The following SPOCK3 variants were observed in gnomAD, a reference collection of about 807,000 sequenced individuals.
SPOCK3 encodes the protein testican-3.
A neutral mutation model predicts 56.6 loss-of-function variants in SPOCK3; 30 were observed. The observed-to-expected ratio is 0.53, with a 90% CI of 0.40 to 0.72. The LOEUF (loss-of-function observed/expected upper bound fraction) is 0.72. Among genes scored for constraint, SPOCK3 ranks in the 30% least tolerant of loss-of-function variants. SPOCK3 has a pLI of 0.00. For synonymous variants in SPOCK3, 196 were observed against 183.3 expected, an observed-to-expected ratio of 1.07 and a Z score of -0.56; for missense variants, 527 against 530.0, an observed-to-expected ratio of 0.99 and a Z score of 0.06.
intron 6 of SPOCK3, among the ~76,000 whole-genome samples, chr4:166,830,300 AT>A (rs2126791221): frequency 6.6e-6 from 1 of 152,286 alleles, no homozygotes; most frequent in Admixed American, 6.5e-5. Flanking sequence ...TTCAGAAATG[AT>A]TTTTAGGACT....
chr4:166,819,087 A>T (rs576079387), intron 6 of SPOCK3, among the ~76,000 whole-genome samples: 1 of 152,180 alleles, frequency 6.6e-6, no homozygotes, highest in African/African-American at 2.4e-5. Flanking sequence ...CATTATTTTT[A>T]AATTGCACAT....
At chr4:167,205,278 TTATA>T (rs1305997734) in intron 2 of SPOCK3, among the ~76,000 whole-genome samples, 40 of 66,742 alleles carry the variant, frequency 6.0e-4, no homozygotes, top group South Asian at 3.0e-3. Flanking sequence ...ATAATATATA[TTATA>T]TATATTTTAT....
At position 167,188,858 on chromosome 4, in the gene SPOCK3, A is replaced by C. The variant is rs1344410882; in HGVS notation, c.189+45127T>G. On this transcript the variant is annotated intron_variant, in intron 2 of 10. Coordinates refer to ENST00000357545, the MANE Select transcript of SPOCK3 (RefSeq NM_001040159.2). Reference sequence around the variant, plus strand: ...ATGCAACAGTTTAAATGAAATTGACAAAATGATTAAAAGATGCCAACTTCC... The same window carrying C: ...ATGCAACAGTTTAAATGAAATTGACCAAATGATTAAAAGATGCCAACTTCC... 2.0e-5 allele frequency among the ~76,000 whole-genome samples: 3 copies of C among 146,544 alleles called. 1 individual carries two copies. In the East Asian group the frequency reaches 6.2e-4, roughly 30 times the overall value.
At chr4:166,838,978 G>T (rs1370357063) in intron 6 of SPOCK3, among the ~76,000 whole-genome samples, 5 of 151,224 alleles carry the variant, frequency 3.3e-5, no homozygotes, top group South Asian at 2.1e-4. Flanking sequence ...AAAAATCTTT[G>T]TCATATAGTT....
chr4:167,130,011 G>C (rs759928319), intron 2 of SPOCK3, among the ~76,000 whole-genome samples: 8 of 152,020 alleles, frequency 5.3e-5, no homozygotes, highest in African/African-American at 7.2e-5. Context: ...CCAAAAATAA[G>C]GTTAATTAAA....
intron 5 of SPOCK3, among the ~76,000 whole-genome samples, chr4:166,906,758 T>C (rs914972457): frequency 6.6e-6 from 1 of 151,986 alleles, no homozygotes; most frequent in Non-Finnish European, 1.5e-5. Context: ...TTTTTAATTT[T>C]TTTTAGTGAT....
At chr4:167,158,797 T>TA (rs1486968029) in intron 2 of SPOCK3, among the ~76,000 whole-genome samples, 2 of 151,396 alleles carry the variant, frequency 1.3e-5, no homozygotes, top group Non-Finnish European at 2.9e-5. Flanking sequence ...ATCTTTATAA[T>TA]AGATATCACT....
Position 167,198,489 on chromosome 4 carries a change from A to C in SPOCK3, c.189+35496T>G, listed in dbSNP as rs534269848. On this transcript the variant is annotated intron_variant, in intron 2 of 10. Transcript: ENST00000357545. ...CAAATATGCCCACACATACATCTAA[A>C]ATGACCAAATGTCAATTAGATGTAG... Among the ~76,000 whole-genome samples the C allele has an allele frequency of 1.2e-4, 19 of 152,286 alleles. 1 individual carries two copies. The South Asian group carries it at 3.7e-3, about 30-fold the overall frequency.
rs116829693 is a variant in SPOCK3, at chr4:167,065,514, G to A, written c.190-2977C>T. 4.2e-3 allele frequency among the ~76,000 whole-genome samples: 633 copies of A among 151,904 alleles called. 3 individuals carry two copies. The highest frequency in any genetic ancestry group is 0.015 in the African/African-American group (603 of 41,484). ...ATCTATAATCACAATTGTAAAACAT[G>A]AACTTGGTTTTCCTGGTTATGTCAA... On this transcript the variant is annotated intron_variant, in intron 2 of 10. Transcript: ENST00000357545.
chr4:166,768,008 C>G, intron 7 of SPOCK3, among the ~76,000 whole-genome samples: 1 of 115,266 alleles, frequency 8.7e-6, no homozygotes, highest in East Asian at 2.1e-4. Flanking sequence ...ACTAGGATTG[C>G]AAACCCTGCT....
intron 6 of SPOCK3, among the ~76,000 whole-genome samples, chr4:166,796,251 G>C (rs532072049): frequency 6.6e-6 from 1 of 152,204 alleles, no homozygotes; most frequent in Admixed American, 6.5e-5. Flanking sequence ...TAGTTATCAA[G>C]AACATGAATT....
chr4:167,184,557 T>C (rs1731790514), intron 2 of SPOCK3, among the ~76,000 whole-genome samples: 1 of 152,170 alleles, frequency 6.6e-6, no homozygotes, highest in East Asian at 1.9e-4. Flanking sequence ...ATAGATTATA[T>C]TGTCATCTCC....
intron 4 of SPOCK3, among the ~76,000 whole-genome samples, chr4:166,991,715 CA>C (rs947696006): frequency 3.3e-5 from 5 of 152,018 alleles, no homozygotes; most frequent in African/African-American, 1.2e-4. Context: ...GTTGAAAACT[CA>C]AAATTACTAA....
chr4:167,139,598 A>G (rs183839319), intron 2 of SPOCK3, among the ~76,000 whole-genome samples: 159 of 152,186 alleles, frequency 1.0e-3, no homozygotes, highest in Admixed American at 4.7e-3. Flanking sequence ...CTTTAAATGT[A>G]AAATTGGAGG....
At chr4:166,966,499 G>T (rs900802066) in intron 4 of SPOCK3, among the ~76,000 whole-genome samples, 1 of 151,970 alleles carries the variant, frequency 6.6e-6, no homozygotes, top group Non-Finnish European at 1.5e-5. Flanking sequence ...ATTTCTTTAT[G>T]CAGATAATTC....
chr4:167,065,044 A>AAAAAAAAAAAAAAAAT, intron 2 of SPOCK3, among the ~76,000 whole-genome samples: 1 of 146,280 alleles, frequency 6.8e-6, no homozygotes, highest in African/African-American at 2.6e-5. Context: ...CTCCAAAAAA[A>AAAAAAAAAAAAAAAAT]AAAAAAAAAA....
At chr4:166,899,966 C>T (rs1420345665) in intron 5 of SPOCK3, among the ~76,000 whole-genome samples, 1 of 152,146 alleles carries the variant, frequency 6.6e-6, no homozygotes, top group Admixed American at 6.5e-5. Context: ...AGAGTATATT[C>T]CCCACTTAGG....
intron 4 of SPOCK3, among the ~76,000 whole-genome samples, chr4:166,947,431 C>T (rs749282435): frequency 1.1e-4 from 16 of 152,138 alleles, no homozygotes; most frequent in South Asian, 2.1e-4. Flanking sequence ...CTGTGCAGAA[C>T]TTTGTTTACT....
chr4:166,872,639 T>C (rs1023099213), intron 6 of SPOCK3, among the ~76,000 whole-genome samples: 15 of 152,056 alleles, frequency 9.9e-5, no homozygotes, highest in African/African-American at 3.4e-4. Flanking sequence ...TATCAAGCCA[T>C]GAAAGGACAT....
Sources: gnomAD v4.1 joint callset for allele counts (sites outside exome capture counted in the v4.1 genomes callset) on GRCh38, gnomAD v4.1.1 for gene constraint, MANE v1.5 for transcripts, NCBI Gene and HGNC (gene_info 2026-07-23, HGNC 2026-07-21) for gene names.